The following ERC2 variants were observed in gnomAD, a reference collection of about 807,000 sequenced individuals.
The protein encoded by ERC2 is ELKS/RAB6-interacting/CAST family member 2.
In ERC2, 42 loss-of-function variants were observed where a neutral mutation model predicts 114.8. The observed-to-expected ratio is 0.37, with a 90% CI of 0.29 to 0.47. The LOEUF (loss-of-function observed/expected upper bound fraction) is 0.47, where lower values mean the gene tolerates loss of function less well. ERC2 is among the 20% of genes least tolerant of loss of function. ERC2 has a pLI of 0.99. For synonymous variants in ERC2, 454 were observed against 425.5 expected, an observed-to-expected ratio of 1.07 and a Z score of -0.82; for missense variants, 939 against 1,150.7, an observed-to-expected ratio of 0.82 and a Z score of 2.66.
chr3:55,830,987 T>C (rs1040342089), intron 14 of ERC2, among the ~76,000 whole-genome samples: 2 of 151,452 alleles, frequency 1.3e-5, no homozygotes, highest in African/African-American at 4.9e-5. Flanking sequence ...CAAAAGTCAA[T>C]AGATAAATTA....
At position 56,211,241 on chromosome 3, in the gene ERC2, T is replaced by C. The variant is rs576715571; in HGVS notation, c.1075-37721A>G. On this transcript the variant is annotated intron_variant, in intron 3 of 17. Coordinates refer to ENST00000288221, the MANE Select transcript of ERC2 (RefSeq NM_015576.3). ...AAACCTCCTAGAACTAGTAAATGAA[T>C]TCAATAAAGTTTTAGGATACAAAAT... is the stretch of plus-strand genomic sequence containing the variant. Among the ~76,000 whole-genome samples the C allele has an allele frequency of 4.6e-5, 7 of 152,192 alleles. No homozygotes were observed. In the East Asian group the frequency reaches 9.7e-4, roughly 21 times the overall value.
intron 13 of ERC2, among the ~76,000 whole-genome samples, chr3:55,900,676 C>T (rs1320634428): frequency 1.3e-5 from 2 of 152,190 alleles, no homozygotes; most frequent in African/African-American, 2.4e-5. Flanking sequence ...GAGTGGCTTC[C>T]CTATATGTCA....
rs763989825 is a variant in ERC2 at position 55,699,478 on chromosome 3, T to C, written c.2747A>G (p.Tyr916Cys). 6 of 1,613,334 alleles carry C rather than the reference T, an allele frequency of 3.7e-6. No individual in the cohort carries two copies. The highest frequency in any genetic ancestry group is 5.1e-6 in the Non-Finnish European group (6 of 1,179,568). The change falls in exon 16 of 18, where the codon TAT (tyrosine) becomes TGT (cysteine). Residue 916 changes from tyrosine (Y) to cysteine (C), a missense_variant. By Grantham distance (194) the Tyr-to-Cys change is radical. Transcript: ENST00000288221. Reference protein sequence around the residue: ...QNRMKLMADNYDDDHHHYHHH... With the variant: ...QNRMKLMADNCDDDHHHYHHH... ...GTGGTAATGGTGATGGTCATCATCA[T>C]AGTTGTCTGCCATCAACTTCATTCT...
intron 17 of ERC2, among the ~76,000 whole-genome samples, chr3:55,600,354 G>A (rs538367264): frequency 6.6e-6 from 1 of 152,252 alleles, no homozygotes; most frequent in East Asian, 1.9e-4. Flanking sequence ...ACTTGTTGAT[G>A]TAAAGAAAAA....
intron 6 of ERC2, among the ~76,000 whole-genome samples, chr3:56,132,564 G>A (rs1471674987): frequency 6.6e-6 from 1 of 152,172 alleles, no homozygotes; most frequent in Admixed American, 6.5e-5. Context: ...GTGAACCCAG[G>A]AGGCGGAGCT....
chr3:56,084,044 A>G (rs1418286862), intron 6 of ERC2, among the ~76,000 whole-genome samples: 1 of 152,150 alleles, frequency 6.6e-6, no homozygotes, highest in Non-Finnish European at 1.5e-5. Flanking sequence ...ATCAAAAACA[A>G]AAATGATACA....
In ERC2 at chr3:56,333,121, G is replaced by A. The variant is rs763134189; in HGVS notation, c.658-36686C>T. Among the ~76,000 whole-genome samples, 18 of 152,298 alleles carry A rather than the reference G, an allele frequency of 1.2e-4. No individual in the cohort carries two copies. The East Asian group carries it at 3.3e-3, about 28-fold the overall frequency. ...TCACAGTCAGTTAACTGGACACTAC[G>A]GCTAACTGTCAGAGACGGTCCATTA... On this transcript the variant is annotated intron_variant, in intron 2 of 17. Transcript: ENST00000288221.
At chr3:55,753,130 G>C (rs898793736) in intron 14 of ERC2, among the ~76,000 whole-genome samples, 1 of 152,132 alleles carries the variant, frequency 6.6e-6, no homozygotes, top group Non-Finnish European at 1.5e-5. Flanking sequence ...TTCAGAACTC[G>C]GTGGGCAGAG....
At chr3:55,837,961 T>C (rs78925749) in intron 14 of ERC2, among the ~76,000 whole-genome samples, 3,246 of 134,652 alleles carry the variant, frequency 0.024, 62 homozygotes, top group South Asian at 0.096. Flanking sequence ...CAAACAGTAT[T>C]ACCAGGAATT....
intron 14 of ERC2, among the ~76,000 whole-genome samples, chr3:55,845,723 T>A (rs2061335993): frequency 6.6e-6 from 1 of 152,236 alleles, no homozygotes; most frequent in South Asian, 2.1e-4. Flanking sequence ...TCCATTGGCG[T>A]ATAATGAATG....
chr3:55,720,348 C>T (rs969150010), intron 15 of ERC2, among the ~76,000 whole-genome samples: 73 of 142,702 alleles, frequency 5.1e-4, no homozygotes, highest in East Asian at 1.5e-3. Context: ...TGCAGTGACG[C>T]AACCATGGCT....
intron 14 of ERC2, among the ~76,000 whole-genome samples, chr3:55,876,314 C>T (rs2062839744): frequency 6.6e-6 from 1 of 151,974 alleles, no homozygotes; most frequent in East Asian, 1.9e-4. Context: ...CAGAGAAACC[C>T]TATGAATTGG....
chr3:56,049,778 A>T (rs2075668384), intron 7 of ERC2, among the ~76,000 whole-genome samples: 1 of 151,632 alleles, frequency 6.6e-6, no homozygotes. Context: ...GGACCTTGAG[A>T]TAGTATAAGT....
chr3:56,397,843 C>A (rs542142678), intron 2 of ERC2, among the ~76,000 whole-genome samples: 6 of 152,202 alleles, frequency 3.9e-5, no homozygotes, highest in Non-Finnish European at 8.8e-5. Flanking sequence ...CCATGCATGG[C>A]CTCATTCCCA....
At chr3:56,390,622 C>T (rs146257392) in intron 2 of ERC2, among the ~76,000 whole-genome samples, 5 of 152,298 alleles carry the variant, frequency 3.3e-5, no homozygotes, top group Non-Finnish European at 5.9e-5. Flanking sequence ...TTGGGGCTAT[C>T]TATAAATACA....
intron 2 of ERC2, among the ~76,000 whole-genome samples, chr3:56,432,157 G>T (rs1037018001): frequency 2.6e-5 from 4 of 152,144 alleles, no homozygotes; most frequent in African/African-American, 9.7e-5. Context: ...AATTCTTCGT[G>T]GATGTCATAA....
chr3:55,518,669 T>G (rs931677985), intron 17 of ERC2, among the ~76,000 whole-genome samples: 1 of 152,222 alleles, frequency 6.6e-6, no homozygotes, highest in Non-Finnish European at 1.5e-5. Context: ...TGCATTCATT[T>G]AAGGCAATGA....
At chr3:56,301,075 C>T (rs1236846192) in intron 2 of ERC2, among the ~76,000 whole-genome samples, 1 of 152,040 alleles carries the variant, frequency 6.6e-6, no homozygotes, top group Admixed American at 6.6e-5. Context: ...ATAGAGAGAC[C>T]CCATATCTAT....
rs189628957 is a variant in ERC2, at chr3:56,025,840, A to G, written c.1642-6809T>C. On this transcript the variant is annotated intron_variant, in intron 7 of 17. Transcript: ENST00000288221. ...TTCTAGAATTCTGCTTATTATACCC[A>G]TATTTTTTCTTTGAAATAAAAACAT... Among the ~76,000 whole-genome samples, 310 of 152,198 alleles carry G rather than the reference A, an allele frequency of 2.0e-3. 3 individuals are homozygous for G. The highest frequency in any genetic ancestry group is 0.017 in the South Asian group (82 of 4,826).
Sources: gnomAD v4.1 joint callset for allele counts (sites outside exome capture counted in the v4.1 genomes callset) on GRCh38, gnomAD v4.1.1 for gene constraint, MANE v1.5 for transcripts, NCBI Gene and HGNC (gene_info 2026-07-23, HGNC 2026-07-21) for gene names.